The following PRKAG2 variants were observed in gnomAD, a reference collection of about 807,000 sequenced individuals.
PRKAG2 encodes protein kinase AMP-activated non-catalytic subunit gamma 2, also known as 5'-AMP-activated protein kinase subunit gamma-2.
A neutral mutation model predicts 69.6 loss-of-function variants in PRKAG2; 26 were observed. The ratio of observed to expected loss-of-function variants is 0.37; its 90% CI spans 0.27 to 0.52. The LOEUF (loss-of-function observed/expected upper bound fraction) is 0.52, where lower values mean the gene tolerates loss of function less well. Among genes scored for constraint, PRKAG2 ranks in the 20% least tolerant of loss-of-function variants. The pLI, the probability that PRKAG2 is intolerant of heterozygous loss-of-function variation, is 0.90. For missense variants in PRKAG2, 557 were observed against 740.0 expected (o/e 0.75, Z 2.87); for synonymous variants, 293 against 285.0 (o/e 1.03, Z -0.28).
At chr7:151,816,808 T>G (rs985889291) in intron 1 of PRKAG2, among the ~76,000 whole-genome samples, 1 of 152,238 alleles carries the variant, frequency 6.6e-6, no homozygotes, top group African/African-American at 2.4e-5. Context: ...TTTTATTTTC[T>G]GTGTGCTTTA....
intron 1 of PRKAG2, among the ~76,000 whole-genome samples, chr7:151,875,904 C>T (rs376683306): frequency 6.6e-6 from 1 of 152,032 alleles, no homozygotes; most frequent in East Asian, 1.9e-4. Flanking sequence ...CCACAGAGAC[C>T]CAAAGTACAC....
At chr7:151,764,987 T>C (rs991964861) in intron 3 of PRKAG2, among the ~76,000 whole-genome samples, 1 of 152,220 alleles carries the variant, frequency 6.6e-6, no homozygotes, top group South Asian at 2.1e-4. Context: ...ATTTGCTGTG[T>C]CTGTTCTCTG....
At chr7:151,598,954 A>G (rs1446436168) in intron 5 of PRKAG2, among the ~76,000 whole-genome samples, 1 of 151,748 alleles carries the variant, frequency 6.6e-6, no homozygotes, top group Non-Finnish European at 1.5e-5. Context: ...AAGGTTCAAG[A>G]GATTCTCCTG....
chr7:151,667,142 C>T (rs866407001), intron 4 of PRKAG2, among the ~76,000 whole-genome samples: 3 of 152,158 alleles, frequency 2.0e-5, no homozygotes, highest in Admixed American at 1.3e-4. Flanking sequence ...TCTGATGAGC[C>T]GCCCCAGCTT....
In PRKAG2 at chr7:151,711,215, C is replaced by G. The variant is rs770416757; in HGVS notation, c.467-35578G>C. 6.5e-4 allele frequency among the ~76,000 whole-genome samples: 97 copies of G among 149,306 alleles called. 1 individual carries two copies. Among genetic ancestry groups the G allele is most frequent in the Non-Finnish European group, 1.3e-4 (9 of 67,464 alleles). On this transcript the variant is annotated intron_variant, in intron 3 of 15. Coordinates refer to ENST00000287878, the MANE Select transcript of PRKAG2 (RefSeq NM_016203.4). Reference sequence around the variant, plus strand: ...GAGGGTGCTAGGCTTAGAGGATCAACAGTGCTAGGCTTAAAGTGCTAAGAG... The same window carrying G: ...GAGGGTGCTAGGCTTAGAGGATCAAGAGTGCTAGGCTTAAAGTGCTAAGAG...
In PRKAG2 at chr7:151,799,586, C is replaced by T. The variant is rs758647991; in HGVS notation, c.115-13045G>A. 1.1e-3 allele frequency among the ~76,000 whole-genome samples: 168 copies of T among 152,246 alleles called. 3 individuals carry two copies. Among genetic ancestry groups the T allele is most frequent in the Non-Finnish European group, 3.1e-4 (21 of 68,050 alleles). ...TGTGACTTCCCCAGAGCCCTTCAGT[C>T]TGTGATCCCAGCCACGCAGGCGGCA... On this transcript the variant is annotated intron_variant, in intron 1 of 15. Transcript: ENST00000287878.
intron 3 of PRKAG2, among the ~76,000 whole-genome samples, chr7:151,717,092 T>C (rs915539620): frequency 2.0e-5 from 3 of 151,838 alleles, no homozygotes; most frequent in Non-Finnish European, 4.4e-5. Context: ...ACTAAAAGTA[T>C]AAAAATTAGT....
intron 3 of PRKAG2, among the ~76,000 whole-genome samples, chr7:151,697,906 A>G (rs571781023): frequency 2.7e-4 from 41 of 152,358 alleles, no homozygotes; most frequent in Middle Eastern, 3.4e-3. Flanking sequence ...GTGCAGGTAC[A>G]GAGGACTCTT....
chr7:151,632,610 G>A lies in PRKAG2; in HGVS notation c.685-472C>T. 2 of 984,590 alleles carry A rather than the reference G, an allele frequency of 2.0e-6. No individual in the cohort carries two copies. The highest frequency in any genetic ancestry group is 2.4e-6 in the Non-Finnish European group (2 of 829,384). The allele number at this position is 984,590 out of a possible 1,614,324, so 61.0% of individuals were successfully genotyped here. Reference sequence around the variant, plus strand: ...CGGCCGCGCTCGGCAGGCTCCACCTGCGCAGGTGTGGGCTCCGCGGCGCGG... The same window carrying A: ...CGGCCGCGCTCGGCAGGCTCCACCTACGCAGGTGTGGGCTCCGCGGCGCGG... On this transcript the variant is annotated intron_variant, in intron 4 of 15. Transcript: ENST00000287878. The surrounding 1 kb of genome is among the most constrained non-coding windows in gnomAD (Gnocchi z 4.2).
chr7:151,676,008 G>A (rs749717724), intron 3 of PRKAG2, among the ~76,000 whole-genome samples: 24 of 152,234 alleles, frequency 1.6e-4, no homozygotes, highest in Non-Finnish European at 3.2e-4. Flanking sequence ...CATTGGGAAC[G>A]GGGTGCTCAC....
At chr7:151,742,213 A>T (rs2073942280) in intron 3 of PRKAG2, among the ~76,000 whole-genome samples, 1 of 148,598 alleles carries the variant, frequency 6.7e-6, no homozygotes, top group Admixed American at 6.8e-5. Flanking sequence ...GCCATTCAAT[A>T]CCCTAGCCTG....
intron 15 of PRKAG2, 72 bp downstream of exon 15, chr7:151,560,452 A>G: frequency 6.2e-7 from 1 of 1,613,008 alleles, no homozygotes; most frequent in Non-Finnish European, 8.5e-7. Flanking sequence ...GATGGTTTAA[A>G]TGCTGCACTT....
chr7:151,631,104 G>C (rs1479573988), intron 5 of PRKAG2, among the ~76,000 whole-genome samples: 1 of 152,178 alleles, frequency 6.6e-6, no homozygotes, highest in Non-Finnish European at 1.5e-5. Context: ...AAGTAAAGTT[G>C]GCACAAGGGA....
chr7:151,724,177 C>T (rs1213472530), intron 3 of PRKAG2, among the ~76,000 whole-genome samples: 1 of 152,172 alleles, frequency 6.6e-6, no homozygotes, highest in Non-Finnish European at 1.5e-5. Flanking sequence ...CCCAAGACTA[C>T]ACTTCTGCCC....
At chr7:151,803,680 C>T (rs896557253) in intron 1 of PRKAG2, among the ~76,000 whole-genome samples, 1 of 151,140 alleles carries the variant, frequency 6.6e-6, no homozygotes, top group African/African-American at 2.4e-5. Context: ...ATTGTGAGGA[C>T]TCTGAGAGCA....
Position 151,564,124 on chromosome 7 carries a change from T to G in PRKAG2, c.1538A>C (p.Lys513Thr). Residue 513 changes from lysine to threonine, a missense_variant, in exon 14 of 16, where the codon AAG (lysine) becomes ACG (threonine). By Grantham distance (78) the Lys-to-Thr change is moderately conservative. Coordinates refer to ENST00000287878, the MANE Select transcript of PRKAG2 (RefSeq NM_016203.4). ...QYFEGVVKCNKLEILETIVDR... is the reference protein window; with the variant it reads ...QYFEGVVKCNTLEILETIVDR... ...CACGATGGTCTCCAGTATTTCCAGC[T>G]TATTGCACTTCACAACACCTTCAAA... is the stretch of plus-strand genomic sequence containing the variant. The G allele has an allele frequency of 6.2e-7, 1 of 1,614,182 alleles. No homozygotes were observed. The highest frequency in any genetic ancestry group is 8.5e-7 in the Non-Finnish European group (1 of 1,180,036).
intron 5 of PRKAG2, among the ~76,000 whole-genome samples, chr7:151,624,348 G>A (rs1206013677): frequency 1.3e-5 from 2 of 151,650 alleles, no homozygotes; most frequent in Non-Finnish European, 1.5e-5. Flanking sequence ...AGAGGGTTTC[G>A]CCATGTTGCC....
Position 151,632,246 on chromosome 7 carries a change from G to A in PRKAG2, c.685-108C>T, listed in dbSNP as rs1824754151. 9.3e-7 allele frequency: 1 copy of A among 1,073,636 alleles called. No individual in the cohort carries two copies. The highest frequency in any genetic ancestry group is 1.7e-5 in the African/African-American group (1 of 58,924). 66.5% of individuals were successfully genotyped at this position (1,073,636 alleles called of 1,614,324 possible). On this transcript the variant is annotated intron_variant, in intron 4 of 15. Transcript: ENST00000287878. The surrounding 1 kb of genome is among the most constrained non-coding windows in gnomAD (Gnocchi z 4.2). ...GGGGCCTGGCTCTGCCGCGCCGCCG[G>A]GAGGAGGGGCCTGGCAGGGGACGCG...
At chr7:151,609,294 T>C (rs1818219263) in intron 5 of PRKAG2, among the ~76,000 whole-genome samples, 2 of 145,576 alleles carry the variant, frequency 1.4e-5, no homozygotes, top group Non-Finnish European at 1.5e-5. Flanking sequence ...AATTTTAATT[T>C]AGAAAGAATT....
Sources: allele counts gnomAD v4.1 joint callset (sites outside exome capture counted in the v4.1 genomes callset), GRCh38; gene constraint gnomAD v4.1.1; non-coding constraint Gnocchi (gnomAD v3.1); transcripts MANE v1.5; gene names NCBI Gene and HGNC (gene_info 2026-07-23, HGNC 2026-07-21).